GIGYF2: variants seen among roughly 807,000 people sequenced by gnomAD.
GIGYF2 encodes GRB10-interacting GYF protein 2.
A neutral mutation model predicts 208.1 loss-of-function variants in GIGYF2; 25 were observed. The observed-to-expected ratio is 0.12, with a 90% confidence interval of 0.09 to 0.17. The LOEUF (loss-of-function observed/expected upper bound fraction) is 0.17, where lower values mean the gene tolerates loss of function less well. GIGYF2 is among the 10% of genes least tolerant of loss of function. The pLI is 1.00. For missense variants in GIGYF2, 1,302 were observed against 1,579.4 expected (o/e 0.82, Z 2.98); for synonymous variants, 534 against 543.8 (o/e 0.98, Z 0.25).
At position 232,791,351 on chromosome 2, in the gene GIGYF2, G is replaced by A. The variant is rs530145555; in HGVS notation, c.1187G>A (p.Arg396Lys). The change falls in exon 12 of 29, where the codon AGG becomes AAG. Residue 396 changes from arginine to lysine, a missense_variant. Arg to Lys is a conservative substitution (Grantham distance 26, BLOSUM62 2). Coordinates refer to ENST00000373563, the MANE Select transcript of GIGYF2 (RefSeq NM_001103146.3). ...HQSQEASQFERKDEPKTEQTE... is the reference protein window; with the variant it reads ...HQSQEASQFEKKDEPKTEQTE... ...TCTCAGGAAGCATCACAGTTTGAGA[G>A]GAAAGATGAACCAAAAACTGAGCAA... 5 of 1,614,050 alleles carry A rather than the reference G, an allele frequency of 3.1e-6. No homozygotes were observed. The African/African-American group carries it at 5.3e-5, about 17-fold the overall frequency.
Position 232,857,176 on chromosome 2 carries a change from GT to G in GIGYF2, c.*317del. The stretch of plus-strand genomic sequence containing the variant: ...GATTTCATCTACTGTCTCCCAGAAA[GT>G]GTGTTGGGATCGGCCATTAGCAGCT... On this transcript the variant is annotated 3_prime_UTR_variant, in exon 29 of 29. Transcript: ENST00000373563. 2.2e-6 allele frequency: 1 copy of G among 450,740 alleles called. No homozygotes were observed. The highest frequency in any genetic ancestry group is 3.7e-5 in the Admixed American group (1 of 27,176). The allele number at this position is 450,740 out of a possible 1,614,324, so 27.9% of individuals were successfully genotyped here.
intron 14 of GIGYF2, among the ~76,000 whole-genome samples, chr2:232,799,521 G>A (rs2106372942): frequency 6.6e-6 from 1 of 151,332 alleles, no homozygotes; most frequent in South Asian, 2.1e-4. Flanking sequence ...CTGCACTCCA[G>A]CCTGGGTGAC....
intron 21 of GIGYF2, among the ~76,000 whole-genome samples, chr2:232,826,389 T>A (rs565618400): frequency 6.6e-6 from 1 of 152,348 alleles, no homozygotes; most frequent in African/African-American, 2.4e-5. Flanking sequence ...TTTTAATGAT[T>A]GCCATTCTAA....
At chr2:232,699,952 A>G (rs547524059) in intron 1 of GIGYF2, among the ~76,000 whole-genome samples, 16 of 152,334 alleles carry the variant, frequency 1.1e-4, no homozygotes, top group African/African-American at 3.8e-4. Context: ...TACTTAATAG[A>G]CATATTTTTT....
intron 2 of GIGYF2, chr2:232,730,053 A>G: frequency 1.1e-6 from 1 of 936,890 alleles, no homozygotes; most frequent in Non-Finnish European, 1.8e-6. Context: ...GGCATAACAC[A>G]AGTCAGCAGG....
intron 14 of GIGYF2, among the ~76,000 whole-genome samples, chr2:232,799,609 A>G (rs575178224): frequency 1.1e-4 from 17 of 151,892 alleles, no homozygotes; most frequent in Non-Finnish European, 7.4e-5. Context: ...TGAAGGTACA[A>G]CTATCTCTTT....
intron 28 of GIGYF2, among the ~76,000 whole-genome samples, chr2:232,854,366 G>A (rs925079286): frequency 1.3e-5 from 2 of 152,152 alleles, no homozygotes; most frequent in Non-Finnish European, 2.9e-5. Flanking sequence ...GGTGGCACCC[G>A]CTTATAGTCC....
chr2:232,765,964 C>T (rs1447917566), intron 8 of GIGYF2: 6 of 465,496 alleles, frequency 1.3e-5, no homozygotes, highest in Non-Finnish European at 2.7e-5. Context: ...CATGACCAAG[C>T]TCCCAGATGA....
At chr2:232,750,458 G>A (rs183770243) in intron 5 of GIGYF2, among the ~76,000 whole-genome samples, 3 of 152,266 alleles carry the variant, frequency 2.0e-5, no homozygotes, top group Admixed American at 6.5e-5. Flanking sequence ...ATTTTTCCAA[G>A]TAAATATGGA....
chr2:232,771,961 A>T (rs1699274711), intron 8 of GIGYF2, among the ~76,000 whole-genome samples: 1 of 152,134 alleles, frequency 6.6e-6, no homozygotes, highest in Admixed American at 6.6e-5. Context: ...TATGCTTTAT[A>T]ATTAGCCTAT....
intron 14 of GIGYF2, among the ~76,000 whole-genome samples, chr2:232,797,529 T>TC (rs1700261554): frequency 1.1e-5 from 1 of 89,400 alleles, no homozygotes; most frequent in African/African-American, 4.7e-5. Flanking sequence ...GTGTGTGTTT[T>TC]AACCAAATTT....
chr2:232,768,071 G>T (rs1046047196), intron 8 of GIGYF2: 6 of 950,604 alleles, frequency 6.3e-6, no homozygotes, highest in Admixed American at 1.9e-5. Context: ...GCATAGGCAT[G>T]ATTACCGTGA....
intron 21 of GIGYF2, among the ~76,000 whole-genome samples, chr2:232,827,255 G>A (rs1251074131): frequency 6.6e-6 from 1 of 151,178 alleles, no homozygotes; most frequent in Non-Finnish European, 1.5e-5. Context: ...CTACTTTAGA[G>A]TATAAACATT....
At chr2:232,748,482 A>G (rs769539159) in intron 4 of GIGYF2, among the ~76,000 whole-genome samples, 42 of 152,236 alleles carry the variant, frequency 2.8e-4, no homozygotes, top group South Asian at 1.2e-3. Context: ...ATGGGATTTC[A>G]CCATGTTGGC....
Position 232,857,550 on chromosome 2 carries a change from T to G in GIGYF2, c.*690T>G, listed in dbSNP as rs924237139. 6.5e-6 allele frequency: 1 copy of G among 153,576 alleles called. No individual in the cohort carries two copies. The highest frequency in any genetic ancestry group is 2.4e-5 in the African/African-American group (1 of 41,442). The allele number at this position is 153,576 out of a possible 1,614,324, so 9.5% of individuals were successfully genotyped here. A position where few individuals can be genotyped will look rare whatever the true frequency, so the allele number is the denominator to read the frequency against. ...TGTTTTTCTTCGTTAGATAGTGACT[T>G]CTGAGCAAGCTGATCTCCCCTGGCA... On this transcript the variant is annotated 3_prime_UTR_variant, in exon 29 of 29. Transcript: ENST00000373563.
intron 5 of GIGYF2, among the ~76,000 whole-genome samples, chr2:232,752,888 A>G (rs1444181799): frequency 6.6e-6 from 1 of 152,022 alleles, no homozygotes; most frequent in Non-Finnish European, 1.5e-5. Context: ...ACAAAATTCA[A>G]AAAGCACATA....
At chr2:232,785,734 AC>A (rs1252405428) in intron 8 of GIGYF2, among the ~76,000 whole-genome samples, 1 of 152,226 alleles carries the variant, frequency 6.6e-6, no homozygotes, top group African/African-American at 2.4e-5. Context: ...GTAGAATGAT[AC>A]CTAGTAGCAG....
chr2:232,836,305 T>C (rs375174062), intron 22 of GIGYF2, among the ~76,000 whole-genome samples: 237 of 18,382 alleles, frequency 0.013, 10 homozygotes, highest in Admixed American at 0.04. Context: ...TATATATATA[T>C]ATATATATAT....
At chr2:232,749,524 TGAGA>T (rs368869092) in intron 5 of GIGYF2, among the ~76,000 whole-genome samples, 9 of 152,126 alleles carry the variant, frequency 5.9e-5, no homozygotes, top group East Asian at 1.9e-4. Flanking sequence ...TGTGTGTGTG[TGAGA>T]GAGAGAGTGA....
Sources: gnomAD v4.1 joint callset for allele counts (sites outside exome capture counted in the v4.1 genomes callset) on GRCh38, gnomAD v4.1.1 for gene constraint, MANE v1.5 for transcripts, NCBI Gene and HGNC (gene_info 2026-07-23, HGNC 2026-07-21) for gene names.